The following HYAL4 variants were observed in gnomAD, a reference collection of about 807,000 sequenced individuals.
HYAL4 encodes hyaluronidase 4.
Under a neutral mutation model 35.2 loss-of-function variants are expected in HYAL4, and 37 were observed. That is an observed-to-expected ratio of 1.05 (90% CI 0.81 to 1.38). The LOEUF is 1.38. HYAL4 is among the 40% of genes most tolerant of loss of function. The pLI is 0.00. For missense variants in HYAL4, 572 were observed against 572.4 expected (o/e 1.00, Z 0.01); for synonymous variants, 198 against 203.2 (o/e 0.97, Z 0.22).
the HYAL4 span, among the ~76,000 whole-genome samples, chr7:123,791,568 AG>A: frequency 6.6e-6 from 1 of 152,198 alleles, no homozygotes; most frequent in Non-Finnish European, 1.5e-5. Context: ...TCCCAGGAAA[AG>A]GGGAAGGGCC....
rs1459246187 is a variant in HYAL4, at chr7:123,861,764, AG to A, written c.-51-6458del. Among the ~76,000 whole-genome samples the A allele has an allele frequency of 2.7e-4, 41 of 152,184 alleles. 1 individual carries two copies. Among genetic ancestry groups the A allele is most frequent in the Admixed American group, 2.7e-3 (41 of 15,260 alleles). On this transcript the variant is annotated intron_variant, in intron 2 of 4. Coordinates refer to ENST00000223026, the MANE Select transcript of HYAL4 (RefSeq NM_012269.3). ...GAAAGGAAACAATTTTATACAATCA[AG>A]ATAGTATAGGAGTTCTAAAATTAGT...
the HYAL4 span, among the ~76,000 whole-genome samples, chr7:123,772,438 G>C: frequency 6.6e-6 from 1 of 152,118 alleles, no homozygotes; most frequent in Non-Finnish European, 1.5e-5. Flanking sequence ...TGACACTCTG[G>C]CATCTAGACA....
intron 2 of HYAL4, among the ~76,000 whole-genome samples, chr7:123,859,393 A>C (rs1806531642): frequency 6.6e-6 from 1 of 152,186 alleles, no homozygotes; most frequent in South Asian, 2.1e-4. Flanking sequence ...TAATAATACT[A>C]ATCAGTTTCT....
the HYAL4 span, among the ~76,000 whole-genome samples, chr7:123,786,726 CTAT>C: frequency 6.6e-6 from 1 of 151,490 alleles, no homozygotes; most frequent in Admixed American, 6.6e-5. Flanking sequence ...ATCTATCTAT[CTAT>C]CTATCTATCT....
At chr7:123,824,995 T>G (rs1805780261), upstream of HYAL4, among the ~76,000 whole-genome samples, 3 of 152,252 alleles carry the variant, frequency 2.0e-5, no homozygotes, top group South Asian at 6.2e-4. Context: ...CACAGAACAT[T>G]CCTTCTGCCC....
the HYAL4 span, chr7:123,819,297 A>C: frequency 5.9e-5 from 9 of 152,518 alleles, no homozygotes; most frequent in African/African-American, 2.2e-4. Flanking sequence ...TCACTGACAA[A>C]ATTTGACTTG....
chr7:123,861,596 T>C (rs1203160630), intron 2 of HYAL4, among the ~76,000 whole-genome samples: 1 of 152,202 alleles, frequency 6.6e-6, no homozygotes, highest in East Asian at 1.9e-4. Flanking sequence ...ATTGTATTTC[T>C]TAAAACTGCA....
chr7:123,847,879 T>C (rs1454357465), intron 1 of HYAL4, among the ~76,000 whole-genome samples: 2 of 152,242 alleles, frequency 1.3e-5, no homozygotes, highest in Non-Finnish European at 2.9e-5. Context: ...CTTTTCTTCC[T>C]TATTTTCCAG....
chr7:123,869,444 G>A (rs1302288845), intron 3 of HYAL4, among the ~76,000 whole-genome samples: 2 of 152,084 alleles, frequency 1.3e-5, no homozygotes, highest in African/African-American at 4.8e-5. Flanking sequence ...AACAAAGTAA[G>A]GTGAGAAAGG....
At chr7:123,847,174 T>C (rs1167319839) in intron 1 of HYAL4, among the ~76,000 whole-genome samples, 2 of 152,220 alleles carry the variant, frequency 1.3e-5, no homozygotes, top group African/African-American at 2.4e-5. Context: ...CATGATTTCC[T>C]AGAATAACTT....
intron 1 of HYAL4, among the ~76,000 whole-genome samples, chr7:123,830,058 G>A (rs1027842714): frequency 1.1e-4 from 17 of 152,138 alleles, no homozygotes; most frequent in African/African-American, 4.1e-4. Flanking sequence ...AAATGCAGAA[G>A]CAAATCGCTG....
the HYAL4 span, among the ~76,000 whole-genome samples, chr7:123,774,447 T>TC: frequency 9.0e-4 from 137 of 152,242 alleles, no homozygotes; most frequent in South Asian, 0.018. Context: ...TTTTTTTTTT[T>TC]CCTGTGAAAT....
At chr7:123,773,247 C>G in the HYAL4 span, among the ~76,000 whole-genome samples, 1 of 152,100 alleles carries the variant, frequency 6.6e-6, no homozygotes, top group Admixed American at 6.5e-5. Flanking sequence ...CCTGTTTGTG[C>G]TCTTATATGG....
the HYAL4 span, among the ~76,000 whole-genome samples, chr7:123,796,852 C>T: frequency 6.6e-6 from 1 of 152,298 alleles, no homozygotes; most frequent in Non-Finnish European, 1.5e-5. Context: ...GAAAAGACCA[C>T]ATATTGTATG....
the HYAL4 span, among the ~76,000 whole-genome samples, chr7:123,767,486 G>C: frequency 5.3e-5 from 8 of 152,002 alleles, no homozygotes; most frequent in Non-Finnish European, 1.0e-4. Context: ...GCCACTTTTG[G>C]ACAGACTCCA....
intron 2 of HYAL4, among the ~76,000 whole-genome samples, chr7:123,861,374 T>G (rs1267361341): frequency 6.6e-6 from 1 of 152,166 alleles, no homozygotes; most frequent in Non-Finnish European, 1.5e-5. Flanking sequence ...CCTGAAGACA[T>G]AAATCAACTT....
At chr7:123,876,331 C>G (rs1216879822) in intron 4 of HYAL4, among the ~76,000 whole-genome samples, 1 of 152,196 alleles carries the variant, frequency 6.6e-6, no homozygotes, top group Non-Finnish European at 1.5e-5. Context: ...CCCCACATAC[C>G]TGAATGGTAG....
chr7:123,857,586 T>C (rs751129766), intron 2 of HYAL4, among the ~76,000 whole-genome samples: 3 of 152,134 alleles, frequency 2.0e-5, no homozygotes, highest in Non-Finnish European at 4.4e-5. Flanking sequence ...TCATTCTGCA[T>C]TGATCTCACT....
chr7:123,808,060 G>T, the HYAL4 span, among the ~76,000 whole-genome samples: 3 of 151,490 alleles, frequency 2.0e-5, no homozygotes, highest in Non-Finnish European at 4.4e-5. Context: ...CAGGCATGAG[G>T]TACTATAGTT....
Sources: gnomAD v4.1 joint callset for allele counts (sites outside exome capture counted in the v4.1 genomes callset) on GRCh38, gnomAD v4.1.1 for gene constraint, MANE v1.5 for transcripts, NCBI Gene and HGNC (gene_info 2026-07-23, HGNC 2026-07-21) for gene names.